Variants in DNAH17 observed in about 807,000 individuals in gnomAD.
DNAH17 encodes the protein dynein axonemal heavy chain 17, also known as axonemal beta dynein heavy chain 17.
Under a neutral mutation model 485.6 loss-of-function variants are expected in DNAH17, and 376 were observed. That is an observed-to-expected ratio of 0.77 (90% confidence interval 0.71 to 0.84). The LOEUF is 0.84. DNAH17 is among the 40% of genes least tolerant of loss of function. The probability of loss-of-function intolerance (pLI) is 0.00; values close to 1 mark genes in which losing one functional copy is unlikely to be tolerated. For missense variants in DNAH17, 6,370 were observed against 5,839.3 expected (o/e 1.09, Z -2.96); for synonymous variants, 3,031 against 2,405.9 (o/e 1.26, Z -7.60).
At chr17:78,428,010 C>T (rs1366967487) in intron 77 of DNAH17, among the ~76,000 whole-genome samples, 1 of 151,538 alleles carries the variant, frequency 6.6e-6, no homozygotes, top group Non-Finnish European at 1.5e-5. Flanking sequence ...CAGGAGGCAG[C>T]ACAGAGCCAC....
intron 48 of DNAH17, 121 bp downstream of exon 48, chr17:78,484,747 C>CCCCCCCCCCCCCCCCCCCCCCA: frequency 3.9e-6 from 1 of 253,604 alleles, no homozygotes; most frequent in Non-Finnish European, 6.0e-6. Context: ...GCACCCCCCC[C>CCCCCCCCCCCCCCCCCCCCCCA]ACCGCCCCAC....
At position 78,486,313 on chromosome 17, in the gene DNAH17, C is replaced by A; in HGVS notation, c.7012G>T (p.Val2338Leu). 1 of 1,613,346 alleles carries A rather than the reference C, an allele frequency of 6.2e-7. No homozygotes were observed. The highest frequency in any genetic ancestry group is 8.5e-7 in the Non-Finnish European group (1 of 1,179,436). ...AGCTCCCTGGGGGAGTCGGGGGGCA[C>A]GGTCTTCTCCGTGAGCAGGCACTCC... ...LLECLLTEKT[V>L]PPDSPRELYE... Residue 2338 changes from valine to leucine, a missense_variant, in exon 45 of 81, where the codon GTG (valine) becomes TTG (leucine). Physicochemically the swap from Val to Leu is conservative, Grantham distance 32. Coordinates refer to ENST00000389840, the MANE Select transcript of DNAH17 (RefSeq NM_173628.4).
At chr17:78,477,845 G>A (rs946687323) in intron 51 of DNAH17, among the ~76,000 whole-genome samples, 1 of 152,092 alleles carries the variant, frequency 6.6e-6, no homozygotes, top group African/African-American at 2.4e-5. Flanking sequence ...TAAGCAGTCA[G>A]TAAATGAGAG....
intron 14 of DNAH17, among the ~76,000 whole-genome samples, chr17:78,554,261 G>T (rs751826315): frequency 9.9e-5 from 15 of 151,898 alleles, no homozygotes; most frequent in Non-Finnish European, 2.2e-4. Flanking sequence ...CCAACATGGT[G>T]AAATCTTGTC....
At chr17:78,564,795 C>T (rs923115784) in intron 11 of DNAH17, among the ~76,000 whole-genome samples, 1 of 152,056 alleles carries the variant, frequency 6.6e-6, no homozygotes, top group Non-Finnish European at 1.5e-5. Flanking sequence ...GTCAGGAAGA[C>T]AACGAACACA....
At chr17:78,563,930 T>C in intron 11 of DNAH17, among the ~76,000 whole-genome samples, 1 of 147,914 alleles carries the variant, frequency 6.8e-6, no homozygotes, top group Non-Finnish European at 1.5e-5. Context: ...CCTCCGCTTT[T>C]CTTTGTTTTA....
In DNAH17 at chr17:78,510,158, G is replaced by A. The variant is rs182935716; in HGVS notation, c.4236+226C>T. Among the ~76,000 whole-genome samples the A allele has an allele frequency of 3.0e-3, 459 of 152,238 alleles. 3 individuals are homozygous for A. The highest frequency in any genetic ancestry group is 2.2e-3 in the Non-Finnish European group (153 of 68,008). Reference sequence around the variant, plus strand: ...GATCGTGCCACTGCACTCCAGCCTGGGCAACAGAGAGAGACTCTGTCTCAA... The same window carrying A: ...GATCGTGCCACTGCACTCCAGCCTGAGCAACAGAGAGAGACTCTGTCTCAA... On this transcript the variant is annotated intron_variant, in intron 27 of 80. Coordinates refer to ENST00000389840, the MANE Select transcript of DNAH17 (RefSeq NM_173628.4).
In DNAH17 at chr17:78,506,615, G is replaced by A. The variant is rs115018034; in HGVS notation, c.4803+105C>T. On this transcript the variant is annotated intron_variant, in intron 30 of 80. Transcript: ENST00000389840. ...GGGCCTCCTGGAGATGATGGGGCAC[G>A]TCCAAGGACACTTACCCCACCCTAG... 2,832 of 1,527,438 alleles carry A rather than the reference G, an allele frequency of 1.9e-3. 41 individuals carry two copies. In the African/African-American group the frequency reaches 0.034, roughly 19 times the overall value. 94.6% of individuals were successfully genotyped at this position (1,527,438 alleles called of 1,614,324 possible). A position where few individuals can be genotyped will look rare whatever the true frequency, so the allele number is the denominator to read the frequency against.
intron 25 of DNAH17, among the ~76,000 whole-genome samples, chr17:78,518,518 A>T (rs1381524962): frequency 2.0e-5 from 3 of 152,222 alleles, no homozygotes. Context: ...ATGGAGCTGA[A>T]AGGAGAAATA....
At chr17:78,542,304 T>C (rs185395479) in intron 17 of DNAH17, among the ~76,000 whole-genome samples, 27 of 152,148 alleles carry the variant, frequency 1.8e-4, no homozygotes, top group Admixed American at 4.6e-4. Flanking sequence ...CCTACCACTA[T>C]ACCTGGCTAA....
chr17:78,482,767 G>A (rs918134361), intron 48 of DNAH17, among the ~76,000 whole-genome samples: 14 of 152,184 alleles, frequency 9.2e-5, no homozygotes, highest in Admixed American at 4.6e-4. Flanking sequence ...CCCTGTTGTC[G>A]TGGGGCCATG....
chr17:78,478,768 C>G (rs1461669476), intron 51 of DNAH17: 3 of 435,774 alleles, frequency 6.9e-6, no homozygotes, highest in African/African-American at 6.4e-5. Flanking sequence ...CTATCATCAT[C>G]ACATCACCAT....
chr17:78,512,165 T>G (rs2090651890), intron 26 of DNAH17, among the ~76,000 whole-genome samples: 1 of 152,220 alleles, frequency 6.6e-6, no homozygotes, highest in South Asian at 2.1e-4. Flanking sequence ...ATTCTCCTAC[T>G]TCCTGCATAG....
At chr17:78,487,214 G>A (rs2089650777) in intron 44 of DNAH17, among the ~76,000 whole-genome samples, 2 of 152,208 alleles carry the variant, frequency 1.3e-5, no homozygotes, top group Admixed American at 6.5e-5. Flanking sequence ...ATGGCCAGCT[G>A]CTGCTTTAGG....
intron 42 of DNAH17, 40 bp downstream of exon 42, chr17:78,492,593 G>C: frequency 6.2e-7 from 1 of 1,609,640 alleles, no homozygotes; most frequent in Non-Finnish European, 8.5e-7. Context: ...CACTGGACCA[G>C]GAGTGCCCCT....
At chr17:78,493,741 C>G (rs766728175) in intron 41 of DNAH17, among the ~76,000 whole-genome samples, 3 of 152,214 alleles carry the variant, frequency 2.0e-5, no homozygotes, top group African/African-American at 7.2e-5. Flanking sequence ...TGGGTTGGGC[C>G]GGCCACAGGG....
intron 71 of DNAH17, among the ~76,000 whole-genome samples, chr17:78,443,143 T>G (rs1409134060): frequency 6.6e-6 from 1 of 152,038 alleles, no homozygotes; most frequent in Non-Finnish European, 1.5e-5. Flanking sequence ...GTGGCCAGAG[T>G]GCAGTCACAC....
At chr17:78,547,983 ATTG>A (rs563899152) in intron 16 of DNAH17, among the ~76,000 whole-genome samples, 10 of 151,966 alleles carry the variant, frequency 6.6e-5, no homozygotes, top group Admixed American at 1.3e-4. Context: ...CACATTATCT[ATTG>A]TTATTTCCCT....
chr17:78,472,854 T>G (rs1297175206), intron 54 of DNAH17: 8 of 403,564 alleles, frequency 2.0e-5, no homozygotes, highest in African/African-American at 1.7e-4. Context: ...TTCAGCAGTT[T>G]CTGTGCTTTC....
Sources: allele counts gnomAD v4.1 joint callset (sites outside exome capture counted in the v4.1 genomes callset), GRCh38; gene constraint gnomAD v4.1.1; transcripts MANE v1.5; gene names NCBI Gene and HGNC (gene_info 2026-07-23, HGNC 2026-07-21).